The following TBPL1 variants were observed in gnomAD, a reference collection of about 807,000 sequenced individuals.
TBPL1 encodes the protein TATA box-binding protein-like 1.
A neutral mutation model predicts 22.1 loss-of-function variants in TBPL1; 4 were observed. The observed-to-expected ratio is 0.18, with a 90% confidence interval of 0.09 to 0.41. The LOEUF is 0.41. TBPL1 is among the 10% of genes least tolerant of loss of function. TBPL1 has a pLI of 1.00. For synonymous variants in TBPL1, 64 were observed against 71.0 expected (o/e 0.90, Z 0.50); for missense variants, 115 against 222.3 (o/e 0.52, Z 3.07).
intron 1 of TBPL1, 113 bp downstream of exon 1, chr6:133,953,538 T>G: frequency 7.6e-6 from 1 of 132,298 alleles, no homozygotes; most frequent in Non-Finnish European, 1.6e-5. Flanking sequence ...GGGCCAGACT[T>G]GGGGTGGGAT....
In TBPL1 at chr6:133,988,461, A is replaced by G. The variant is rs990078600; in HGVS notation, c.*1421A>G. The G allele has an allele frequency of 9.2e-5, 14 of 152,198 alleles. No individual in the cohort carries two copies. Among genetic ancestry groups the G allele is most frequent in the African/African-American group, 3.4e-4 (14 of 41,462 alleles). 9.4% of individuals were successfully genotyped at this position (152,198 alleles called of 1,614,324 possible). ...TATTCCAACACAATGTTCCACAAAA[A>G]CTTGTATTTCCAAAATGTTTTTAAA... On this transcript the variant is annotated 3_prime_UTR_variant, in exon 7 of 7. Coordinates refer to ENST00000237264, the MANE Select transcript of TBPL1 (RefSeq NM_004865.4).
intron 1 of TBPL1, among the ~76,000 whole-genome samples, chr6:133,973,080 A>T (rs906104501): frequency 4.6e-5 from 7 of 152,214 alleles, no homozygotes; most frequent in African/African-American, 1.7e-4. Flanking sequence ...CTTCATCCTG[A>T]TTCTAGGCAT....
At chr6:133,974,135 T>C (rs1204338121) in intron 1 of TBPL1, among the ~76,000 whole-genome samples, 7 of 152,082 alleles carry the variant, frequency 4.6e-5, no homozygotes, top group Non-Finnish European at 8.8e-5. Context: ...ATTAGACATA[T>C]AATTTTTTCT....
chr6:133,985,276 T>TAAAAAAA lies in TBPL1; in HGVS notation c.481+621_481+627dup, dbSNP rs1229100828. ...ACTGGCAACAGAGTGAGACTCTGTC[T>TAAAAAAA]AAAAAAAAAAAAAAAAAAAAAATAT... On this transcript the variant is annotated intron_variant, in intron 6 of 6. Coordinates refer to ENST00000237264, the MANE Select transcript of TBPL1 (RefSeq NM_004865.4). Among the ~76,000 whole-genome samples the TAAAAAAA allele has an allele frequency of 3.6e-3, 46 of 12,916 alleles. 10 individuals are homozygous for TAAAAAAA. The highest frequency in any genetic ancestry group is 0.022 in the African/African-American group (32 of 1,454). The allele number at this position is 12,916 out of a possible 152,430, so 8.5% of individuals were successfully genotyped here. A position where few individuals can be genotyped will look rare whatever the true frequency, so the allele number is the denominator to read the frequency against.
chr6:133,966,088 C>CAG (rs529158999), intron 1 of TBPL1, among the ~76,000 whole-genome samples: 6 of 151,990 alleles, frequency 3.9e-5, no homozygotes, highest in African/African-American at 1.4e-4. Flanking sequence ...CAGAAAGAAA[C>CAG]AGAGAGAGAG....
At chr6:133,985,295 AAAATATATATATATATATATATATATAT>A (rs1776492554) in intron 6 of TBPL1, among the ~76,000 whole-genome samples, 2 of 66,436 alleles carry the variant, frequency 3.0e-5, no homozygotes, top group African/African-American at 1.4e-4. Context: ...AAAAAAAAAA[AAAATATATATATATATATATATATATAT>A]ATATATATAT....
At chr6:133,975,739 T>C in intron 1 of TBPL1, among the ~76,000 whole-genome samples, 1 of 152,170 alleles carries the variant, frequency 6.6e-6, no homozygotes, top group Non-Finnish European at 1.5e-5. Flanking sequence ...AAGAGAAATA[T>C]ATGAGAATGA....
intron 1 of TBPL1, 116 bp downstream of exon 1, chr6:133,953,541 G>A (rs538667500): frequency 1.3e-5 from 2 of 152,734 alleles, no homozygotes; most frequent in South Asian, 4.1e-4. Context: ...CCAGACTTGG[G>A]GTGGGATGTG....
intron 1 of TBPL1, among the ~76,000 whole-genome samples, chr6:133,969,176 G>A (rs548353329): frequency 2.7e-5 from 4 of 149,748 alleles, no homozygotes; most frequent in African/African-American, 9.8e-5. Context: ...CAGAAAATCA[G>A]TATCATTTAA....
intron 1 of TBPL1, among the ~76,000 whole-genome samples, chr6:133,976,343 C>A (rs574325129): frequency 6.6e-6 from 1 of 152,086 alleles, no homozygotes; most frequent in Admixed American, 6.5e-5. Context: ...GTTTCAGATA[C>A]GATGTTGAGT....
At chr6:133,964,052 C>T (rs1776075129) in intron 1 of TBPL1, among the ~76,000 whole-genome samples, 1 of 151,928 alleles carries the variant, frequency 6.6e-6, no homozygotes, top group Non-Finnish European at 1.5e-5. Flanking sequence ...AAAAAAAGAA[C>T]CAATGTTCCA....
At chr6:133,977,598 A>G (rs997427283) in intron 1 of TBPL1, among the ~76,000 whole-genome samples, 3 of 152,224 alleles carry the variant, frequency 2.0e-5, no homozygotes, top group Non-Finnish European at 2.9e-5. Flanking sequence ...GTTGATTCGC[A>G]TGAAGTTTCT....
intron 4 of TBPL1, among the ~76,000 whole-genome samples, chr6:133,983,371 C>G (rs1349174319): frequency 6.6e-6 from 1 of 152,118 alleles, no homozygotes; most frequent in African/African-American, 2.4e-5. Context: ...TATGGACTTG[C>G]TAGGTCACTT....
At chr6:133,956,900 A>T (rs578149098) in intron 1 of TBPL1, among the ~76,000 whole-genome samples, 1 of 152,358 alleles carries the variant, frequency 6.6e-6, no homozygotes, top group African/African-American at 2.4e-5. Context: ...GAGAGACTGT[A>T]TACGTATCTG....
chr6:133,964,038 C>A (rs1776074886), intron 1 of TBPL1, among the ~76,000 whole-genome samples: 2 of 152,050 alleles, frequency 1.3e-5, no homozygotes, highest in Non-Finnish European at 2.9e-5. Flanking sequence ...AAGACTGCGT[C>A]TCAAAAAAAA....
intron 1 of TBPL1, among the ~76,000 whole-genome samples, chr6:133,963,715 C>G (rs1367973086): frequency 6.6e-6 from 1 of 152,036 alleles, no homozygotes; most frequent in Non-Finnish European, 1.5e-5. Context: ...GTCCACCAGG[C>G]CTGTCCTTGT....
intron 1 of TBPL1, among the ~76,000 whole-genome samples, chr6:133,973,791 T>TA (rs946235800): frequency 6.6e-6 from 1 of 152,150 alleles, no homozygotes; most frequent in African/African-American, 2.4e-5. Flanking sequence ...TTGCTTTTTT[T>TA]ATGAGAAGAT....
At chr6:133,970,344 A>G (rs1019691127) in intron 1 of TBPL1, among the ~76,000 whole-genome samples, 4 of 152,106 alleles carry the variant, frequency 2.6e-5, no homozygotes, top group African/African-American at 7.2e-5. Context: ...TAAATTCTGG[A>G]TACTGTAGAT....
intron 1 of TBPL1, among the ~76,000 whole-genome samples, chr6:133,968,177 C>T (rs1048267120): frequency 7.2e-5 from 11 of 152,010 alleles, no homozygotes; most frequent in South Asian, 2.1e-4. Flanking sequence ...TTAGTAGGGA[C>T]GGGGTTTCAC....
Sources: gnomAD v4.1 joint callset for allele counts (sites outside exome capture counted in the v4.1 genomes callset) on GRCh38, gnomAD v4.1.1 for gene constraint, MANE v1.5 for transcripts, NCBI Gene and HGNC (gene_info 2026-07-23, HGNC 2026-07-21) for gene names.